The following WDR25 variants were observed in gnomAD, a reference collection of about 807,000 sequenced individuals.
The protein encoded by WDR25 is WD repeat domain 25.
WDR25 carries 35 observed loss-of-function variants against 47.7 expected under a neutral mutation model. The observed-to-expected ratio is 0.73, with a 90% CI of 0.56 to 0.97. The LOEUF is 0.97. WDR25 is among the 50% of genes least tolerant of loss of function. WDR25 has a pLI of 0.00. For missense variants in WDR25, 634 were observed against 704.7 expected (o/e 0.90, Z 1.14); for synonymous variants, 248 against 278.9 (o/e 0.89, Z 1.10).
chr14:100,509,957 C>CT lies in WDR25; in HGVS notation c.1102-15902dup, dbSNP rs938175034. ...ACTCTCTCTTCTGTTCCATTGATTT[C>CT]TTTTTTTTTTTAATTAAAAAAATTT... On this transcript the variant is annotated intron_variant, in intron 4 of 6. Coordinates refer to ENST00000402312, the MANE Select transcript of WDR25 (RefSeq NM_001161476.3). Among the ~76,000 whole-genome samples the CT allele has an allele frequency of 7.6e-4, 110 of 144,556 alleles. 1 individual carries two copies. The highest frequency in any genetic ancestry group is 2.2e-3 in the African/African-American group (86 of 39,472). 94.8% of individuals were successfully genotyped at this position (144,556 alleles called of 152,430 possible). A position where few individuals can be genotyped will look rare whatever the true frequency, so the allele number is the denominator to read the frequency against.
chr14:100,408,833 T>C (rs1897623747), intron 2 of WDR25, among the ~76,000 whole-genome samples: 1 of 152,250 alleles, frequency 6.6e-6, no homozygotes, highest in Non-Finnish European at 1.5e-5. Context: ...CCTTTAGTAA[T>C]GTTTATTTTA....
chr14:100,401,364 G>A (rs866557247), intron 2 of WDR25, among the ~76,000 whole-genome samples: 2 of 152,138 alleles, frequency 1.3e-5, no homozygotes, highest in Non-Finnish European at 2.9e-5. Context: ...TGGTTGATTC[G>A]GGCATCTCAG....
intron 3 of WDR25, among the ~76,000 whole-genome samples, chr14:100,478,115 A>AAAAC (rs10666174): frequency 0.64 from 97,375 of 151,316 alleles, 31,623 homozygotes; most frequent in Admixed American, 0.72. Flanking sequence ...AAACAAAACA[A>AAAAC]AAACAAACAA....
At chr14:100,455,823 C>T (rs1899185664) in intron 2 of WDR25, among the ~76,000 whole-genome samples, 2 of 152,198 alleles carry the variant, frequency 1.3e-5, no homozygotes, top group Non-Finnish European at 2.9e-5. Context: ...TTGTAGATCA[C>T]TGCTGGCCTT....
chr14:100,516,127 A>AT (rs908437499), intron 4 of WDR25, among the ~76,000 whole-genome samples: 62 of 151,314 alleles, frequency 4.1e-4, no homozygotes, highest in African/African-American at 1.5e-3. Flanking sequence ...ATTTTGAGAG[A>AT]TTTTTTGGAT....
chr14:100,424,747 A>C lies in WDR25; in HGVS notation c.822+43001A>C, dbSNP rs1452959922. Among the ~76,000 whole-genome samples, 1 of 152,186 alleles carries C rather than the reference A, an allele frequency of 6.6e-6. No homozygotes were observed. Among genetic ancestry groups the C allele is most frequent in the Non-Finnish European group, 1.5e-5 (1 of 68,040 alleles). ...GGCTGATCTCAGGGTTCCTTTCAGC[A>C]GCAGTGGCAGCCGTGACCACCTACT... On this transcript the variant is annotated intron_variant, in intron 2 of 6. Coordinates refer to ENST00000402312, the MANE Select transcript of WDR25 (RefSeq NM_001161476.3). This position sits in a 1 kb window ranked among gnomAD's most constrained non-coding sequence, Gnocchi z 4.2.
intron 2 of WDR25, among the ~76,000 whole-genome samples, chr14:100,386,749 C>T (rs892067167): frequency 6.7e-4 from 102 of 152,110 alleles, no homozygotes; most frequent in African/African-American, 2.1e-3. Flanking sequence ...AAAAATTAGC[C>T]GGGCGCGGTG....
chr14:100,472,205 C>T (rs1233070487), intron 3 of WDR25, among the ~76,000 whole-genome samples: 1 of 152,236 alleles, frequency 6.6e-6, no homozygotes, highest in African/African-American at 2.4e-5. Context: ...TTCCTGGAGC[C>T]CTGGAGCCCC....
At chr14:100,376,730 C>A (rs1896690756) in intron 1 of WDR25, 1 of 1,230,108 alleles carries the variant, frequency 8.1e-7, no homozygotes, top group African/African-American at 1.6e-5. Context: ...TTGCTTTCAT[C>A]GCTCTGGGGC....
intron 4 of WDR25, among the ~76,000 whole-genome samples, chr14:100,515,973 G>C (rs115926706): frequency 0.01 from 1,560 of 150,616 alleles, 25 homozygotes; most frequent in African/African-American, 0.037. Context: ...TGTCACTCAT[G>C]GGTCTGTTTC....
chr14:100,528,493 A>T (rs1595093090), intron 5 of WDR25, among the ~76,000 whole-genome samples: 1 of 145,008 alleles, frequency 6.9e-6, no homozygotes, highest in Admixed American at 6.8e-5. Flanking sequence ...CTGGTCTCGA[A>T]CTCCTGGGCT....
chr14:100,510,473 C>T (rs188535476), intron 4 of WDR25, among the ~76,000 whole-genome samples: 10 of 151,830 alleles, frequency 6.6e-5, no homozygotes, highest in East Asian at 3.9e-4. Context: ...CAGTGGTTCA[C>T]GCCTGTAATC....
chr14:100,444,748 C>T (rs889519589), intron 2 of WDR25, among the ~76,000 whole-genome samples: 1 of 152,212 alleles, frequency 6.6e-6, no homozygotes, highest in African/African-American at 2.4e-5. Context: ...AGCGGCGAAA[C>T]AGCTCATCGT....
intron 4 of WDR25, among the ~76,000 whole-genome samples, chr14:100,507,008 T>A (rs1268530076): frequency 6.6e-6 from 1 of 152,198 alleles, no homozygotes; most frequent in Non-Finnish European, 1.5e-5. Context: ...TCCAAAATGA[T>A]GTTTCCTAGG....
chr14:100,529,140 T>A lies in WDR25; in HGVS notation c.1345T>A (p.Tyr449Asn). 2.5e-6 allele frequency: 4 copies of A among 1,604,134 alleles called. No individual in the cohort carries two copies. Among genetic ancestry groups the A allele is most frequent in the Non-Finnish European group, 3.4e-6 (4 of 1,172,188 alleles). The change falls in exon 6 of 7, where the codon TAC (tyrosine) becomes AAC (asparagine). Residue 449 changes from tyrosine (Y) to asparagine (N), a missense_variant. Coordinates refer to ENST00000402312, the MANE Select transcript of WDR25 (RefSeq NM_001161476.3). This position sits in a 1 kb window ranked among gnomAD's most constrained non-coding sequence, Gnocchi z 5.1. Reference sequence around the variant, plus strand: ...GTTCCTGGCACAGACCAATGGCAACTACCTGGCCCTTTTCTCCACTGTGTG... The same window carrying A: ...GTTCCTGGCACAGACCAATGGCAACAACCTGGCCCTTTTCTCCACTGTGTG... ...PVFLAQTNGN[Y>N]LALFSTVWPY...
rs1445686139 is a variant in WDR25 at position 100,425,140 on chromosome 14, G to A, written c.823-42881G>A. Among the ~76,000 whole-genome samples, 1 of 152,242 alleles carries A rather than the reference G, an allele frequency of 6.6e-6. No individual in the cohort carries two copies. Among genetic ancestry groups the A allele is most frequent in the Non-Finnish European group, 1.5e-5 (1 of 68,040 alleles). ...ATTTTTCTAAAAACTGTGCACCTGG[G>A]TGTGTCCCTTGCTGGCCCCATGGCC... On this transcript the variant is annotated intron_variant, in intron 2 of 6. Transcript: ENST00000402312. The surrounding 1 kb of genome is among the most constrained non-coding windows in gnomAD (Gnocchi z 4.8).
intron 2 of WDR25, among the ~76,000 whole-genome samples, chr14:100,437,718 G>A (rs770310449): frequency 1.3e-5 from 2 of 152,038 alleles, no homozygotes; most frequent in Non-Finnish European, 2.9e-5. Context: ...CACCACCACT[G>A]TTAACCCCCA....
intron 4 of WDR25, among the ~76,000 whole-genome samples, chr14:100,511,596 C>T (rs1215579880): frequency 6.6e-6 from 1 of 151,794 alleles, no homozygotes; most frequent in Non-Finnish European, 1.5e-5. Flanking sequence ...CCCTTCCTTC[C>T]TTCCTTTCTT....
intron 2 of WDR25, among the ~76,000 whole-genome samples, chr14:100,453,806 C>A (rs1225732771): frequency 1.3e-5 from 2 of 152,228 alleles, no homozygotes; most frequent in African/African-American, 4.8e-5. Flanking sequence ...ATATGTCTCG[C>A]TCTTAATCCT....
Sources: allele counts gnomAD v4.1 joint callset (sites outside exome capture counted in the v4.1 genomes callset), GRCh38; gene constraint gnomAD v4.1.1; non-coding constraint Gnocchi (gnomAD v3.1); transcripts MANE v1.5; gene names NCBI Gene and HGNC (gene_info 2026-07-23, HGNC 2026-07-21).